Variants in CLCN7 observed in about 807,000 individuals in gnomAD.
The protein encoded by CLCN7 is Cl-/H+ antiporter 7.
In CLCN7, 60 loss-of-function variants were observed where a neutral mutation model predicts 102.1. That is an observed-to-expected ratio of 0.59 (90% CI 0.48 to 0.73). The LOEUF is 0.73. CLCN7 is among the 30% of genes least tolerant of loss of function. CLCN7 has a pLI of 0.00. For synonymous variants in CLCN7, 560 were observed against 490.5 expected (o/e 1.14, Z -1.87); for missense variants, 962 against 1,125.7 (o/e 0.85, Z 2.08).
At position 1,457,857 on chromosome 16, in the gene CLCN7, C is replaced by T. The variant is rs2038862723; in HGVS notation, c.676-101G>A. The T allele has an allele frequency of 8.1e-7, 1 of 1,235,438 alleles. No homozygotes were observed. Among genetic ancestry groups the T allele is most frequent in the East Asian group, 2.4e-5 (1 of 41,666 alleles). The allele number at this position is 1,235,438 out of a possible 1,614,324, so 76.5% of individuals were successfully genotyped here. ...ACACAGCCCCGATCAGGCAGAGTGG[C>T]TGGGACACGGGGCCTCCGGGAGGGG... On this transcript the variant is annotated intron_variant, in intron 7 of 24. Coordinates refer to ENST00000382745, the MANE Select transcript of CLCN7 (RefSeq NM_001287.6). The surrounding 1 kb of genome is among the most constrained non-coding windows in gnomAD (Gnocchi z 5.4).
At chr16:1,454,179 C>T (rs949876731) in intron 13 of CLCN7, among the ~76,000 whole-genome samples, 6 of 152,274 alleles carry the variant, frequency 3.9e-5, no homozygotes, top group Non-Finnish European at 5.9e-5. Context: ...TCCATCCCTG[C>T]AGCCCTGTGG....
Position 1,461,448 on chromosome 16 carries a change from T to A in CLCN7, c.308A>T (p.Glu103Val). The change falls in exon 4 of 25, where the codon GAG (glutamate) becomes GTG (valine). Residue 103 changes from glutamate (E) to valine (V), a missense_variant. By Grantham distance (121) the Glu-to-Val change is moderately radical (BLOSUM62 -2). Coordinates refer to ENST00000382745, the MANE Select transcript of CLCN7 (RefSeq NM_001287.6). ...KYESLDYDNS[E>V]NQLFLEEERR... is the part of the protein sequence containing the mutation. The stretch of plus-strand genomic sequence containing the variant: ...CTCCTCCTCCAGGAACAGCTGGTTC[T>A]CACTGTTGTCATAGTCCAAGCTCTG... The A allele has an allele frequency of 6.4e-7, 1 of 1,563,682 alleles. No individual in the cohort carries two copies. The highest frequency in any genetic ancestry group is 2.3e-5 in the East Asian group (1 of 42,664).
chr16:1,461,729 AG>A, intron 2 of CLCN7, 55 bp from the exon 3 acceptor site: 1 of 1,450,282 alleles, frequency 6.9e-7, no homozygotes, highest in Non-Finnish European at 9.7e-7. Flanking sequence ...ACAAGGAGAG[AG>A]GCCCCTCTCA....
chr16:1,461,660 T>C lies in CLCN7; in HGVS notation c.228A>G (p.Pro76=). 3.7e-6 allele frequency: 6 copies of C among 1,613,922 alleles called. No homozygotes were observed. Among genetic ancestry groups the C allele is most frequent in the Non-Finnish European group, 3.4e-6 (4 of 1,179,982 alleles). The change falls in exon 3 of 25, where the codon CCA becomes CCG. Residue 76 remains proline (P), a synonymous_variant. Transcript: ENST00000382745. The part of the protein sequence containing the change: ...DELLDPDMDP[P]HPFPKEIPHN... ...GTGGGATCTCCTTGGGGAAGGGATG[T>C]GGAGGGTCCATATCCTGTGGCAGAA...
At chr16:1,458,104 C>T (rs551015187) in intron 7 of CLCN7, among the ~76,000 whole-genome samples, 15 of 152,346 alleles carry the variant, frequency 9.8e-5, no homozygotes, top group African/African-American at 2.6e-4. Context: ...GAGGTGTTCC[C>T]GCTAGCCCCG....
At chr16:1,464,817 C>T (rs1257637338) in intron 2 of CLCN7, among the ~76,000 whole-genome samples, 1 of 152,234 alleles carries the variant, frequency 6.6e-6, no homozygotes, top group African/African-American at 2.4e-5. Context: ...CCGAGGCCGG[C>T]GGGAGATGCC....
chr16:1,451,796 G>A (rs2038756176), intron 15 of CLCN7, 80 bp from the exon 16 acceptor site: 2 of 1,161,410 alleles, frequency 1.7e-6, no homozygotes, highest in East Asian at 2.5e-5. Flanking sequence ...GTCGCCGTGA[G>A]AGGCCGTGTA....
In CLCN7 at chr16:1,460,460, G is replaced by T; in HGVS notation, c.552C>A (p.Ala184=). ...TCACAGAGCCCACGAGCACGAAGGC[G>T]GCGTTCAGCGTGGCCCACAGCAACA... ...FSLLLWATLN[A]AFVLVGSVIV... Residue 184 remains alanine, a synonymous_variant, in exon 6 of 25, where the codon GCC becomes GCA. Coordinates refer to ENST00000382745, the MANE Select transcript of CLCN7 (RefSeq NM_001287.6). 1.2e-6 allele frequency: 2 copies of T among 1,613,820 alleles called. No individual in the cohort carries two copies. The highest frequency in any genetic ancestry group is 1.7e-6 in the Non-Finnish European group (2 of 1,179,968).
chr16:1,468,216 C>T (rs2039030927), intron 1 of CLCN7, among the ~76,000 whole-genome samples: 2 of 152,230 alleles, frequency 1.3e-5, no homozygotes, highest in Admixed American at 1.3e-4. Flanking sequence ...CAGGCAGAGC[C>T]GCACATGCAT....
chr16:1,454,382 G>A (rs772174175), intron 13 of CLCN7, 29 bp downstream of exon 13: 49 of 1,604,200 alleles, frequency 3.1e-5, no homozygotes, highest in Admixed American at 3.3e-5. Context: ...CCCGCAGGCC[G>A]TCCCTGCGGT....
At chr16:1,456,304 G>A in intron 9 of CLCN7, 98 bp from the exon 10 acceptor site, 2 of 878,750 alleles carry the variant, frequency 2.3e-6, no homozygotes, top group Non-Finnish European at 3.7e-6. Context: ...GCAGGGGAAG[G>A]GGCTTTCAGG....
In CLCN7 at chr16:1,464,590, G is replaced by T. The variant is rs113949244; in HGVS notation, c.213+677C>A. ...GAGCTCAAACGGACGCAAGGCCGAA[G>T]AGCACCCGGACAGGTGGACTGTGAG... is the stretch of plus-strand genomic sequence containing the variant. On this transcript the variant is annotated intron_variant, in intron 2 of 24. Transcript: ENST00000382745. Among the ~76,000 whole-genome samples, 1,362 of 152,350 alleles carry T rather than the reference G, an allele frequency of 8.9e-3. 30 individuals carry two copies. The highest frequency in any genetic ancestry group is 0.031 in the African/African-American group (1,291 of 41,572).
Position 1,448,421 on chromosome 16 carries a change from G to A in CLCN7, c.1947C>T (p.Asp649=), listed in dbSNP as rs547786206. The A allele has an allele frequency of 1.9e-5, 31 of 1,612,568 alleles. No homozygotes were observed. In the African/African-American group the frequency reaches 2.7e-4, roughly 14 times the overall value. ...RRREKVGVIV[D]VLSDTASNHN... ...GATTGGACGCCGTGTCGCTCAGCAC[G>A]TCCACAATGACGCCGACCTTCTCAC... is the stretch of plus-strand genomic sequence containing the variant. Residue 649 remains aspartate (D), a synonymous_variant, in exon 21 of 25, where the codon GAC becomes GAT. Coordinates refer to ENST00000382745, the MANE Select transcript of CLCN7 (RefSeq NM_001287.6).
chr16:1,455,642 C>A, intron 11 of CLCN7, 89 bp downstream of exon 11: 1 of 1,391,108 alleles, frequency 7.2e-7, no homozygotes, highest in Admixed American at 1.8e-5. Context: ...AGCCGCAGCT[C>A]GATGGGTGGC....
At chr16:1,474,799 C>T (rs952803950) in intron 1 of CLCN7, 35 bp downstream of exon 1, 1 of 1,290,966 alleles carries the variant, frequency 7.7e-7, no homozygotes, top group South Asian at 2.2e-5. Context: ...CGCACGAGGG[C>T]TCAGTTTCCC....
chr16:1,446,206 G>A lies in CLCN7; in HGVS notation c.*425C>T. ...CAAGTCTCGAAGACTCCACTGGTGT[G>A]GAGGCAGAGGGGCCCTTCCAGGGCA... On this transcript the variant is annotated 3_prime_UTR_variant, in exon 25 of 25. Transcript: ENST00000382745. 1 of 626,234 alleles carries A rather than the reference G, an allele frequency of 1.6e-6. No individual in the cohort carries two copies. The highest frequency in any genetic ancestry group is 2.8e-6 in the Non-Finnish European group (1 of 352,842). The allele number at this position is 626,234 out of a possible 1,614,324, so 38.8% of individuals were successfully genotyped here. A position where few individuals can be genotyped will look rare whatever the true frequency, so the allele number is the denominator to read the frequency against.
chr16:1,456,996 G>A (rs2142381390), intron 9 of CLCN7, among the ~76,000 whole-genome samples: 1 of 152,268 alleles, frequency 6.6e-6, no homozygotes, highest in Non-Finnish European at 1.5e-5. Flanking sequence ...CTGAGAAGCC[G>A]CTTGGAGCCA....
intron 1 of CLCN7, among the ~76,000 whole-genome samples, chr16:1,468,107 CA>C (rs1243122955): frequency 6.6e-6 from 1 of 152,006 alleles, no homozygotes; most frequent in African/African-American, 2.4e-5. Context: ...AAAACCCAAA[CA>C]AAACGAAAAC....
In CLCN7 at chr16:1,446,547, G is replaced by T; in HGVS notation, c.*84C>A. 1.6e-6 allele frequency: 2 copies of T among 1,268,588 alleles called. No homozygotes were observed. Among genetic ancestry groups the T allele is most frequent in the Non-Finnish European group, 2.2e-6 (2 of 892,116 alleles). 78.6% of individuals were successfully genotyped at this position (1,268,588 alleles called of 1,614,324 possible). A position where few individuals can be genotyped will look rare whatever the true frequency, so the allele number is the denominator to read the frequency against. On this transcript the variant is annotated 3_prime_UTR_variant, in exon 25 of 25. Coordinates refer to ENST00000382745, the MANE Select transcript of CLCN7 (RefSeq NM_001287.6). ...TTGCCACTGCTGGGGAGCATGGTTT[G>T]GGCCGAGAAACCAGTGACTCCGGGA... is the stretch of plus-strand genomic sequence containing the variant.
Sources: gnomAD v4.1 joint callset for allele counts (sites outside exome capture counted in the v4.1 genomes callset) on GRCh38, gnomAD v4.1.1 for gene constraint, Gnocchi (gnomAD v3.1) non-coding constraint, MANE v1.5 for transcripts, NCBI Gene and HGNC (gene_info 2026-07-23, HGNC 2026-07-21) for gene names.